ASAP1: variants seen among roughly 807,000 people sequenced by gnomAD.
The protein encoded by ASAP1 is arf-GAP with SH3 domain, ANK repeat and PH domain-containing protein 1.
A neutral mutation model predicts 145.2 loss-of-function variants in ASAP1; 43 were observed. The ratio of observed to expected loss-of-function variants is 0.30; its 90% CI spans 0.23 to 0.38. The LOEUF (loss-of-function observed/expected upper bound fraction) is 0.38, where lower values mean the gene tolerates loss of function less well. Ranked by LOEUF, ASAP1 falls within the 10% of genes least tolerant of loss-of-function variation. The pLI, the probability that ASAP1 is intolerant of heterozygous loss-of-function variation, is 1.00. For missense variants in ASAP1, 1,018 were observed against 1,355.3 expected (o/e 0.75, Z 3.91); for synonymous variants, 546 against 515.5 (o/e 1.06, Z -0.80).
At chr8:130,190,244 A>G (rs918163007) in intron 5 of ASAP1, among the ~76,000 whole-genome samples, 3 of 152,082 alleles carry the variant, frequency 2.0e-5, no homozygotes, top group Non-Finnish European at 4.4e-5. Flanking sequence ...TGTGCTGGAG[A>G]GTTTCCCCCA....
intron 27 of ASAP1, among the ~76,000 whole-genome samples, chr8:130,062,212 G>A (rs549783352): frequency 1.4e-3 from 215 of 152,306 alleles, no homozygotes; most frequent in Admixed American, 2.5e-3. Context: ...CTGCACTCAG[G>A]GAGGAAACAG....
At chr8:130,285,404 T>G (rs1334272447) in intron 3 of ASAP1, among the ~76,000 whole-genome samples, 1 of 152,142 alleles carries the variant, frequency 6.6e-6, no homozygotes, top group East Asian at 1.9e-4. Flanking sequence ...TGAAGAGAAT[T>G]TTATGTATGT....
chr8:130,113,608 T>G (rs143727064), intron 23 of ASAP1, among the ~76,000 whole-genome samples: 2 of 151,924 alleles, frequency 1.3e-5, no homozygotes, highest in South Asian at 4.2e-4. Flanking sequence ...AATTAATGCA[T>G]GAATGAACTT....
At chr8:130,321,582 A>T (rs944288068) in intron 3 of ASAP1, among the ~76,000 whole-genome samples, 1 of 151,490 alleles carries the variant, frequency 6.6e-6, no homozygotes, top group African/African-American at 2.4e-5. Flanking sequence ...AGCACTCACT[A>T]CTCTAACTAC....
In ASAP1 at chr8:130,167,551, T is replaced by A; in HGVS notation, c.894A>T (p.Gln298His). Residue 298 changes from glutamine to histidine, a missense_variant, in exon 11 of 30, where the codon CAA becomes CAT. Gln to His is a conservative substitution (Grantham distance 24). Transcript: ENST00000518721. ...ALRDLIKSSL[Q>H]LDQKEDSQSR... Reference sequence around the variant, plus strand: ...AACCACTTACTTCTTTCTGATCCAGTTGAAGAGAGGATTTTATTAAGTCTC... The same window carrying A: ...AACCACTTACTTCTTTCTGATCCAGATGAAGAGAGGATTTTATTAAGTCTC... 1 of 1,613,752 alleles carries A rather than the reference T, an allele frequency of 6.2e-7. No homozygotes were observed. The highest frequency in any genetic ancestry group is 8.5e-7 in the Non-Finnish European group (1 of 1,179,668).
chr8:130,409,381 C>G (rs1239338694), intron 1 of ASAP1, among the ~76,000 whole-genome samples: 2 of 152,158 alleles, frequency 1.3e-5, no homozygotes, highest in African/African-American at 4.8e-5. Context: ...TCCATATCTG[C>G]TGGCAAGCAA....
chr8:130,243,101 C>T (rs187505650), intron 3 of ASAP1, among the ~76,000 whole-genome samples: 1 of 152,266 alleles, frequency 6.6e-6, no homozygotes, highest in Admixed American at 6.5e-5. Context: ...CTCTCCTTAA[C>T]CAGCTGCAGG....
At chr8:130,168,059 C>CT (rs1421851557) in intron 10 of ASAP1, among the ~76,000 whole-genome samples, 1 of 152,064 alleles carries the variant, frequency 6.6e-6, no homozygotes, top group Non-Finnish European at 1.5e-5. Context: ...ATCAGTGCTG[C>CT]TTTTTTTAAC....
intron 1 of ASAP1, among the ~76,000 whole-genome samples, chr8:130,428,144 G>C (rs948454771): frequency 4.6e-5 from 7 of 152,038 alleles, no homozygotes; most frequent in Admixed American, 1.3e-4. Flanking sequence ...GTCATGCAGT[G>C]AATCAAACGT....
chr8:130,154,400 G>A (rs1196766363), intron 12 of ASAP1, among the ~76,000 whole-genome samples: 2 of 152,218 alleles, frequency 1.3e-5, no homozygotes, highest in Non-Finnish European at 2.9e-5. Flanking sequence ...AGGCACAGAC[G>A]AGACTGCATG....
chr8:130,256,243 C>T (rs1565141739), intron 3 of ASAP1, among the ~76,000 whole-genome samples: 1 of 152,156 alleles, frequency 6.6e-6, no homozygotes, highest in African/African-American at 2.4e-5. Context: ...CTTGAAGATG[C>T]ACACTAACAC....
In ASAP1 at chr8:130,311,964, C is replaced by T. The variant is rs1443102686; in HGVS notation, c.186+46053G>A. Among the ~76,000 whole-genome samples, 3 of 152,162 alleles carry T rather than the reference C, an allele frequency of 2.0e-5. No individual in the cohort carries two copies. The East Asian group carries it at 5.8e-4, about 29-fold the overall frequency. ...TTGTACTCCTTCTAAATGAGAAGAT[C>T]CGAATTCAGCCTAGAACATGTAGGT... On this transcript the variant is annotated intron_variant, in intron 3 of 29. Transcript: ENST00000518721.
chr8:130,177,373 T>G (rs1034026278), intron 9 of ASAP1, among the ~76,000 whole-genome samples: 1 of 152,230 alleles, frequency 6.6e-6, no homozygotes, highest in African/African-American at 2.4e-5. Flanking sequence ...TAAAGTCAGG[T>G]GAAATCAGTT....
chr8:130,214,232 A>T (rs1289090440), intron 5 of ASAP1, among the ~76,000 whole-genome samples: 1 of 150,862 alleles, frequency 6.6e-6, no homozygotes. Flanking sequence ...GGTTATCTTT[A>T]AAAAAAAATC....
At position 130,116,763 on chromosome 8, in the gene ASAP1, T is replaced by A; in HGVS notation, c.1997-18A>T. 3 of 1,611,550 alleles carry A rather than the reference T, an allele frequency of 1.9e-6. No homozygotes were observed. Among genetic ancestry groups the A allele is most frequent in the Non-Finnish European group, 2.5e-6 (3 of 1,177,812 alleles). On this transcript the variant is annotated intron_variant, in intron 21 of 29. Coordinates refer to ENST00000518721, the MANE Select transcript of ASAP1 (RefSeq NM_018482.4). Reference sequence around the variant, plus strand: ...CTGGTTAACTGAAATAGGAAAAAAATTAATTTGCATAATTATCTAGGAAAC... The same window carrying A: ...CTGGTTAACTGAAATAGGAAAAAAAATAATTTGCATAATTATCTAGGAAAC...
rs1247437332 is a variant in ASAP1 at position 130,124,024 on chromosome 8, A to G, written c.1596T>C (p.Pro532=). 1.3e-6 allele frequency: 2 copies of G among 1,594,108 alleles called. No homozygotes were observed. The highest frequency in any genetic ancestry group is 1.3e-5 in the African/African-American group (1 of 74,182). The change falls in exon 18 of 30, where the codon CCT becomes CCC. Residue 532 remains proline (P), a synonymous_variant. Coordinates refer to ENST00000518721, the MANE Select transcript of ASAP1 (RefSeq NM_018482.4). ...TCAGAAATACTTACATATCACTTGA[A>G]GGGGTGGGTTTTGGTGAGGGGCTGG... ...NLPSPSPKPT[P]SSDMTVRKEY...
chr8:130,204,941 T>C (rs1816108291), intron 5 of ASAP1, among the ~76,000 whole-genome samples: 1 of 152,230 alleles, frequency 6.6e-6, no homozygotes, highest in African/African-American at 2.4e-5. Flanking sequence ...TCAGAATTAC[T>C]TGTATAGTAA....
At chr8:130,135,717 G>A (rs1172900775) in intron 14 of ASAP1, among the ~76,000 whole-genome samples, 1 of 152,160 alleles carries the variant, frequency 6.6e-6, no homozygotes, top group Non-Finnish European at 1.5e-5. Flanking sequence ...GCATGTAACA[G>A]ATGCTCTATA....
chr8:130,206,656 C>CACCAT (rs992723252), intron 5 of ASAP1, among the ~76,000 whole-genome samples: 22 of 152,276 alleles, frequency 1.4e-4, no homozygotes, highest in African/African-American at 5.1e-4. Flanking sequence ...AAACCAGATG[C>CACCAT]ATGGTGAGTC....
Sources: allele counts gnomAD v4.1 joint callset (sites outside exome capture counted in the v4.1 genomes callset), GRCh38; gene constraint gnomAD v4.1.1; transcripts MANE v1.5; gene names NCBI Gene and HGNC (gene_info 2026-07-23, HGNC 2026-07-21).